Variants in SUDS3 observed in about 807,000 individuals in gnomAD.
SUDS3 encodes SIN3A corepressor complex component SDS3.
Under a neutral mutation model 53.5 loss-of-function variants are expected in SUDS3, and 23 were observed. The observed-to-expected ratio is 0.43, with a 90% CI of 0.31 to 0.61. The LOEUF (loss-of-function observed/expected upper bound fraction) is 0.61. Among genes scored for constraint, SUDS3 ranks in the 20% least tolerant of loss-of-function variants. The pLI, the probability that SUDS3 is intolerant of heterozygous loss-of-function variation, is 0.10. For synonymous variants in SUDS3, 150 were observed against 148.5 expected, an observed-to-expected ratio of 1.01 and a Z score of -0.08; for missense variants, 291 against 405.9, an observed-to-expected ratio of 0.72 and a Z score of 2.43.
chr12:118,398,706 C>T (rs1232480206), intron 6 of SUDS3, among the ~76,000 whole-genome samples: 1 of 148,422 alleles, frequency 6.7e-6, no homozygotes, highest in Non-Finnish European at 1.5e-5. Flanking sequence ...CCTGAAGCTG[C>T]CCTGCCTGTT....
intron 6 of SUDS3, among the ~76,000 whole-genome samples, chr12:118,398,163 A>G (rs1374749285): frequency 6.6e-6 from 1 of 152,200 alleles, no homozygotes; most frequent in African/African-American, 2.4e-5. Flanking sequence ...GCATTGATAG[A>G]ACTCCCGTTA....
rs765307821 is a variant in SUDS3 at position 118,389,966 on chromosome 12, T to TG, written c.360+23dup. On this transcript the variant is annotated intron_variant, in intron 5 of 11. Coordinates refer to ENST00000543473, the MANE Select transcript of SUDS3 (RefSeq NM_022491.3). Reference sequence around the variant, plus strand: ...CTGGAAGTAAGTACCACGGATCTTCTGGGTTTGCAGGCCCTGTCTGAGACT... The same window carrying TG: ...CTGGAAGTAAGTACCACGGATCTTCTGGGGTTTGCAGGCCCTGTCTGAGACT... 10 of 1,613,904 alleles carry TG rather than the reference T, an allele frequency of 6.2e-6. No individual in the cohort carries two copies. In the Admixed American group the frequency reaches 8.3e-5, roughly 13 times the overall value.
intron 3 of SUDS3, among the ~76,000 whole-genome samples, chr12:118,385,888 A>G (rs918521631): frequency 2.6e-5 from 4 of 151,934 alleles, no homozygotes; most frequent in African/African-American, 9.7e-5. Flanking sequence ...ACTCCCCCTC[A>G]CTCACTACAG....
intron 10 of SUDS3, among the ~76,000 whole-genome samples, chr12:118,407,373 A>C (rs1226649931): frequency 6.6e-6 from 1 of 152,174 alleles, no homozygotes; most frequent in Non-Finnish European, 1.5e-5. Flanking sequence ...TGCTTTGGGA[A>C]GCATGTTGGC....
At chr12:118,395,553 G>A (rs1472909729) in intron 6 of SUDS3, among the ~76,000 whole-genome samples, 1 of 151,922 alleles carries the variant, frequency 6.6e-6, no homozygotes, top group Non-Finnish European at 1.5e-5. Flanking sequence ...TGTGCTTGAG[G>A]GTGCAGAGAG....
intron 2 of SUDS3, among the ~76,000 whole-genome samples, chr12:118,383,038 T>A (rs2046081734): frequency 6.6e-6 from 1 of 152,122 alleles, no homozygotes; most frequent in Non-Finnish European, 1.5e-5. Context: ...CAAGGGGAAA[T>A]CTAAAGTGCA....
intron 10 of SUDS3, among the ~76,000 whole-genome samples, chr12:118,403,859 A>G (rs2046286870): frequency 1.3e-5 from 2 of 152,084 alleles, no homozygotes. Context: ...CTGTGTGCTA[A>G]GGTTAATAGG....
Position 118,380,227 on chromosome 12 carries a change from G to A in SUDS3, c.208G>A (p.Glu70Lys). 1 of 1,605,204 alleles carries A rather than the reference G, an allele frequency of 6.2e-7. No individual in the cohort carries two copies. Among genetic ancestry groups the A allele is most frequent in the Non-Finnish European group, 8.5e-7 (1 of 1,175,648 alleles). ...HDEEDYVEMKEQMYQDKLASL... is the reference protein window; with the variant it reads ...HDEEDYVEMKKQMYQDKLASL... ...TGAAGAAGACTATGTAGAAATGAAGGAACAGTGAGTATGATATGCCTATGT... is the reference window on the plus strand; with the variant it reads ...TGAAGAAGACTATGTAGAAATGAAGAAACAGTGAGTATGATATGCCTATGT... Residue 70 changes from glutamate (E) to lysine (K), a missense_variant, in exon 2 of 12, where the codon GAA becomes AAA. Physicochemically the swap from Glu to Lys is moderately conservative, Grantham distance 56. Coordinates refer to ENST00000543473, the MANE Select transcript of SUDS3 (RefSeq NM_022491.3).
In SUDS3 at chr12:118,400,717, C is replaced by T. The variant is rs749802576; in HGVS notation, c.576C>T (p.Pro192=). ...AGTTGCGGAGGCGACCAAATGATCCCGTCCCCATCCCAGACAAGAGGAGGA... is the reference window on the plus strand; with the variant it reads ...AGTTGCGGAGGCGACCAAATGATCCTGTCCCCATCCCAGACAAGAGGAGGA... ...TRKLRRRPND[P]VPIPDKRRKP... The change falls in exon 7 of 12, where the codon CCC becomes CCT. Residue 192 remains proline (P), a synonymous_variant. Transcript: ENST00000543473. The T allele has an allele frequency of 2.4e-5, 38 of 1,613,844 alleles. No homozygotes were observed. The highest frequency in any genetic ancestry group is 3.1e-5 in the Non-Finnish European group (36 of 1,179,882).
intron 10 of SUDS3, among the ~76,000 whole-genome samples, chr12:118,409,362 G>T (rs936047778): frequency 1.3e-5 from 2 of 152,162 alleles, no homozygotes. Context: ...GGCCAGGCTG[G>T]TCTCGATCTC....
chr12:118,388,203 T>TA (rs1352350612), intron 4 of SUDS3, among the ~76,000 whole-genome samples: 2 of 152,214 alleles, frequency 1.3e-5, no homozygotes, highest in Non-Finnish European at 2.9e-5. Flanking sequence ...TTCTGGGGGC[T>TA]AAAAAATAAT....
intron 1 of SUDS3, 50 bp from the exon 2 acceptor site, chr12:118,380,112 A>C (rs1400220625): frequency 6.7e-7 from 1 of 1,496,618 alleles, no homozygotes; most frequent in South Asian, 1.2e-5. Context: ...GGTGACGCCA[A>C]CTCCGTGAAT....
chr12:118,378,296 T>G (rs1269623848), intron 1 of SUDS3, among the ~76,000 whole-genome samples: 1 of 152,178 alleles, frequency 6.6e-6, no homozygotes, highest in Non-Finnish European at 1.5e-5. Flanking sequence ...TTTTATTGTA[T>G]ACAGTTGGCT....
chr12:118,395,855 C>A (rs1384415521), intron 6 of SUDS3, among the ~76,000 whole-genome samples: 1 of 151,860 alleles, frequency 6.6e-6, no homozygotes, highest in Non-Finnish European at 1.5e-5. Flanking sequence ...CCATGCCTGA[C>A]TAATTTTTAT....
At chr12:118,389,826 G>A in intron 4 of SUDS3, 101 bp from the exon 5 acceptor site, 2 of 1,406,336 alleles carry the variant, frequency 1.4e-6, no homozygotes, top group Non-Finnish European at 2.0e-6. Flanking sequence ...TTTGTAACAT[G>A]CTTTCAGAAA....
intron 2 of SUDS3, among the ~76,000 whole-genome samples, chr12:118,383,426 G>C (rs536584676): frequency 6.6e-6 from 1 of 152,308 alleles, no homozygotes; most frequent in East Asian, 1.9e-4. Flanking sequence ...CTTTTGCTTC[G>C]TGTGTGCTGT....
intron 1 of SUDS3, among the ~76,000 whole-genome samples, chr12:118,377,183 TTGTG>T (rs2046006755): frequency 6.6e-6 from 1 of 152,032 alleles, no homozygotes; most frequent in Non-Finnish European, 1.5e-5. Flanking sequence ...CGCCCCTTTT[TTGTG>T]TGTGAGAGCA....
chr12:118,385,985 T>C (rs1237232030), intron 3 of SUDS3, 129 bp from the exon 4 acceptor site: 1 of 757,380 alleles, frequency 1.3e-6, no homozygotes, highest in Non-Finnish European at 2.3e-6. Context: ...GAGTTAACTT[T>C]GCTGAGGTGT....
In SUDS3 at chr12:118,394,189, C is replaced by A. The variant is rs138094084; in HGVS notation, c.517+2907C>A. Among the ~76,000 whole-genome samples, 937 of 152,236 alleles carry A rather than the reference C, an allele frequency of 6.2e-3. 5 individuals are homozygous for A. The highest frequency in any genetic ancestry group is 0.021 in the African/African-American group (868 of 41,534). ...AGATTTAAATCTGAGGTAGGGTTTT[C>A]TCATTTGGCAAGGGGATGATAGAAC... On this transcript the variant is annotated intron_variant, in intron 6 of 11. Coordinates refer to ENST00000543473, the MANE Select transcript of SUDS3 (RefSeq NM_022491.3).
Sources: allele counts gnomAD v4.1 joint callset (sites outside exome capture counted in the v4.1 genomes callset), GRCh38; gene constraint gnomAD v4.1.1; transcripts MANE v1.5; gene names NCBI Gene and HGNC (gene_info 2026-07-23, HGNC 2026-07-21).